ZEB2: variants seen among roughly 807,000 people sequenced by gnomAD.
ZEB2 encodes zinc finger E-box binding homeobox 2.
A neutral mutation model predicts 99.9 loss-of-function variants in ZEB2; 6 were observed. The observed-to-expected ratio is 0.06, with a 90% CI of 0.03 to 0.12. The LOEUF is 0.12. Among genes scored for constraint, ZEB2 ranks in the 10% least tolerant of loss-of-function variants. ZEB2 has a pLI of 1.00. For missense variants in ZEB2, 969 were observed against 1,502.8 expected (o/e 0.64, Z 5.87); for synonymous variants, 517 against 542.5 (o/e 0.95, Z 0.65).
intron 2 of ZEB2, among the ~76,000 whole-genome samples, chr2:144,502,837 T>C (rs1394975271): frequency 6.6e-6 from 1 of 152,190 alleles, no homozygotes; most frequent in African/African-American, 2.4e-5. Context: ...GGGCTCACTT[T>C]AACATAAACT....
rs926163913 is a variant in ZEB2, at chr2:144,512,760, A to G, written c.73+4518T>C. ...TAGTTTTTCCAGACCAAAATAAAAC[A>G]AATAGATCAGCCTAGATACATAGCC... On this transcript the variant is annotated intron_variant, in intron 2 of 9. Coordinates refer to ENST00000627532, the MANE Select transcript of ZEB2 (RefSeq NM_014795.4). 5 of 1,287,122 alleles carry G rather than the reference A, an allele frequency of 3.9e-6. No individual in the cohort carries two copies. The African/African-American group carries it at 6.1e-5, about 16-fold the overall frequency. 79.7% of individuals were successfully genotyped at this position (1,287,122 alleles called of 1,614,324 possible).
chr2:144,390,236 TAATAAAC>T (rs1703138922), intron 9 of ZEB2, among the ~76,000 whole-genome samples: 1 of 152,206 alleles, frequency 6.6e-6, no homozygotes, highest in African/African-American at 2.4e-5. Context: ...GCAATGTAGT[TAATAAAC>T]AAGAAGAACT....
chr2:144,402,173 A>AG (rs537407798), intron 6 of ZEB2, among the ~76,000 whole-genome samples: 3 of 152,216 alleles, frequency 2.0e-5, no homozygotes, highest in African/African-American at 7.2e-5. Context: ...TTTTTGAACA[A>AG]GGGGAAAAAA....
In ZEB2 at chr2:144,399,474, C is replaced by A. The variant is rs1451965551; in HGVS notation, c.1713G>T (p.Met571Ile). The change falls in exon 8 of 10, where the codon ATG becomes ATT. Residue 571 changes from methionine to isoleucine, a missense_variant. Transcript: ENST00000627532. This position sits in a 1 kb window ranked among gnomAD's most constrained non-coding sequence, Gnocchi z 5.6. ...GAGTGGATATGTTGTGGTTCTCAAT[C>A]ATTTTGTCATCAGTGACCAAATCTA... is the stretch of plus-strand genomic sequence containing the variant. ...TLIDLVTDDK[M>I]IENHNISTPF... 1 of 1,614,150 alleles carries A rather than the reference C, an allele frequency of 6.2e-7. No homozygotes were observed. Among genetic ancestry groups the A allele is most frequent in the Non-Finnish European group, 8.5e-7 (1 of 1,180,010 alleles).
At chr2:144,511,830 T>C in intron 2 of ZEB2, 1 of 1,287,234 alleles carries the variant, frequency 7.8e-7, no homozygotes, top group South Asian at 1.2e-5. Context: ...GCTATATTTA[T>C]TGGTTTAAAT....
intron 3 of ZEB2, chr2:144,428,796 C>T (rs929406748): frequency 2.6e-5 from 4 of 152,122 alleles, no homozygotes; most frequent in Admixed American, 1.3e-4. Flanking sequence ...TAGGTAGACT[C>T]CTTCCCAGCC....
At chr2:144,392,916 G>GA (rs1419107281) in intron 9 of ZEB2, among the ~76,000 whole-genome samples, 1 of 152,048 alleles carries the variant, frequency 6.6e-6, no homozygotes, top group African/African-American at 2.4e-5. Flanking sequence ...TTTGTGGTAT[G>GA]AAAAAAATTA....
intron 2 of ZEB2, chr2:144,462,694 T>C (rs906471534): frequency 6.6e-6 from 1 of 152,184 alleles, no homozygotes; most frequent in Non-Finnish European, 1.5e-5. Context: ...GTGTTTGAAG[T>C]CTTACTAACT....
chr2:144,513,102 G>A (rs1314636014), intron 2 of ZEB2: 2 of 1,286,648 alleles, frequency 1.6e-6, no homozygotes, highest in South Asian at 2.5e-5. Context: ...GGAGAGCTAG[G>A]AGGCACCTCC....
intron 2 of ZEB2, among the ~76,000 whole-genome samples, chr2:144,489,511 A>G (rs567206868): frequency 6.6e-6 from 1 of 152,366 alleles, no homozygotes; most frequent in Non-Finnish European, 1.5e-5. Flanking sequence ...GAGAAAATGC[A>G]TATCAGCAGA....
At chr2:144,504,248 G>C (rs1301862036) in intron 2 of ZEB2, 1 of 152,182 alleles carries the variant, frequency 6.6e-6, no homozygotes, top group Non-Finnish European at 1.5e-5. Flanking sequence ...ATCAGATTAA[G>C]TGAGAGCAAA....
At chr2:144,417,342 C>T (rs565493606) in intron 4 of ZEB2, among the ~76,000 whole-genome samples, 2 of 152,216 alleles carry the variant, frequency 1.3e-5, no homozygotes, top group East Asian at 3.9e-4. Context: ...ACAACAAACA[C>T]TCTGAATGTA....
chr2:144,441,623 T>A (rs1703919385), intron 2 of ZEB2, among the ~76,000 whole-genome samples: 1 of 152,168 alleles, frequency 6.6e-6, no homozygotes, highest in African/African-American at 2.4e-5. Flanking sequence ...ACCACTCTTT[T>A]ACTGTAAACA....
chr2:144,442,023 T>C (rs569627189), intron 2 of ZEB2, among the ~76,000 whole-genome samples: 1 of 152,316 alleles, frequency 6.6e-6, no homozygotes, highest in African/African-American at 2.4e-5. Flanking sequence ...CTCCGTTTCA[T>C]TAAGATACAG....
At chr2:144,509,522 C>A (rs1351609054) in intron 2 of ZEB2, among the ~76,000 whole-genome samples, 1 of 152,284 alleles carries the variant, frequency 6.6e-6, no homozygotes, top group East Asian at 1.9e-4. Flanking sequence ...AAATCTTCCA[C>A]AAGGGTTATT....
At chr2:144,411,107 T>C (rs1703457502) in intron 4 of ZEB2, among the ~76,000 whole-genome samples, 1 of 81,382 alleles carries the variant, frequency 1.2e-5, no homozygotes, top group Non-Finnish European at 2.7e-5. Flanking sequence ...ATATGTATAA[T>C]AGGGCATCTC....
intron 2 of ZEB2, chr2:144,511,861 A>T: frequency 7.8e-7 from 1 of 1,287,194 alleles, no homozygotes; most frequent in Non-Finnish European, 1.0e-6. Context: ...TCTGCTCTGA[A>T]TTATTTTTTT....
At chr2:144,513,376 G>T in intron 2 of ZEB2, 1 of 1,337,776 alleles carries the variant, frequency 7.5e-7, no homozygotes, top group Non-Finnish European at 9.8e-7. Flanking sequence ...AAAGGCATTT[G>T]TAAAAAGCTC....
chr2:144,430,017 T>C lies in ZEB2; in HGVS notation c.83A>G (p.Tyr28Cys), dbSNP rs761120290. 4 of 1,613,306 alleles carry C rather than the reference T, an allele frequency of 2.5e-6. No individual in the cohort carries two copies. The highest frequency in any genetic ancestry group is 3.4e-6 in the Non-Finnish European group (4 of 1,179,800). ...AGAACCTGTGTCCACTACATTGTCA[T>C]AGTTCACCACTGCAGAAGAAGCACA... ...ANPRRKNVVN[Y>C]DNVVDTGSET... Residue 28 changes from tyrosine to cysteine, a missense_variant, in exon 3 of 10, where the codon TAT becomes TGT. By Grantham distance (194) the Tyr-to-Cys change is radical. Transcript: ENST00000627532.
Sources: allele counts gnomAD v4.1 joint callset (sites outside exome capture counted in the v4.1 genomes callset), GRCh38; gene constraint gnomAD v4.1.1; non-coding constraint Gnocchi (gnomAD v3.1); transcripts MANE v1.5; gene names NCBI Gene and HGNC (gene_info 2026-07-23, HGNC 2026-07-21).